Variants in NEBL observed in about 807,000 individuals in gnomAD.
NEBL encodes the protein nebulette, also known as LIM and SH3 protein 2.
In NEBL, 122 loss-of-function variants were observed where a neutral mutation model predicts 140.2. That is an observed-to-expected ratio of 0.87 (90% CI 0.75 to 1.01). The LOEUF is 1.01. NEBL is among the 50% of genes least tolerant of loss of function. The probability of loss-of-function intolerance (pLI) is 0.00; values close to 1 mark genes in which losing one functional copy is unlikely to be tolerated. For missense variants in NEBL, 1,365 were observed against 1,231.3 expected, an observed-to-expected ratio of 1.11 and a Z score of -1.62; for synonymous variants, 436 against 398.9, an observed-to-expected ratio of 1.09 and a Z score of -1.11.
At chr10:21,061,214 G>C (rs1778421146) in intron 2 of NEBL, among the ~76,000 whole-genome samples, 2 of 134,838 alleles carry the variant, frequency 1.5e-5, no homozygotes, top group African/African-American at 5.6e-5. Flanking sequence ...ATATAATATA[G>C]AGAGATGTGG....
chr10:21,201,927 A>T (rs535179688), intron 3 of NEBL, among the ~76,000 whole-genome samples: 18 of 152,156 alleles, frequency 1.2e-4, no homozygotes, highest in Non-Finnish European at 2.5e-4. Flanking sequence ...TTTCATGTAG[A>T]TTTGAAAGAA....
At chr10:21,092,002 C>T (rs2131966378) in intron 2 of NEBL, among the ~76,000 whole-genome samples, 1 of 152,312 alleles carries the variant, frequency 6.6e-6, no homozygotes, top group South Asian at 2.1e-4. Context: ...TAATTTAACC[C>T]TATAACATAT....
chr10:21,180,138 GAAA>G (rs201765784), intron 3 of NEBL, among the ~76,000 whole-genome samples: 2 of 140,048 alleles, frequency 1.4e-5, no homozygotes, highest in African/African-American at 5.2e-5. Flanking sequence ...CTCGGTCTCA[GAAA>G]AAAAAAAAGA....
At chr10:21,192,554 A>G (rs1589323297) in intron 3 of NEBL, among the ~76,000 whole-genome samples, 1 of 151,040 alleles carries the variant, frequency 6.6e-6, no homozygotes, top group Non-Finnish European at 1.5e-5. Flanking sequence ...ATAAGAGGGT[A>G]CAATTTCTGG....
intron 2 of NEBL, among the ~76,000 whole-genome samples, chr10:21,127,610 A>C (rs7085509): frequency 6.6e-6 from 1 of 152,094 alleles, no homozygotes; most frequent in Non-Finnish European, 1.5e-5. Flanking sequence ...AGGCCTGTTG[A>C]TCTATGAGTT....
intron 4 of NEBL, among the ~76,000 whole-genome samples, chr10:20,885,445 A>C (rs896796483): frequency 3.3e-5 from 5 of 152,240 alleles, no homozygotes; most frequent in Non-Finnish European, 7.3e-5. Context: ...TTGTGAGTAC[A>C]TATGCACCTT....
At chr10:20,886,033 T>A (rs1325958613) in intron 4 of NEBL, among the ~76,000 whole-genome samples, 3 of 152,158 alleles carry the variant, frequency 2.0e-5, no homozygotes, top group African/African-American at 7.2e-5. Context: ...AAGAGTAATG[T>A]ATTTTCAGAC....
intron 3 of NEBL, among the ~76,000 whole-genome samples, chr10:21,201,717 A>G (rs1052249169): frequency 1.3e-5 from 2 of 152,214 alleles, no homozygotes; most frequent in Non-Finnish European, 2.9e-5. Flanking sequence ...ATATTCTTTG[A>G]TAGCATCATT....
At chr10:20,955,258 G>A (rs1379804191) in intron 4 of NEBL, among the ~76,000 whole-genome samples, 7 of 152,162 alleles carry the variant, frequency 4.6e-5, no homozygotes, top group Non-Finnish European at 7.4e-5. Flanking sequence ...AAGTTAAGGA[G>A]GTCAGACATA....
Position 20,859,839 on chromosome 10 carries a change from A to G in NEBL, c.685-13T>C. 2 of 1,217,082 alleles carry G rather than the reference A, an allele frequency of 1.6e-6. No individual in the cohort carries two copies. The highest frequency in any genetic ancestry group is 2.4e-6 in the Non-Finnish European group (2 of 825,064). 75.4% of individuals were successfully genotyped at this position (1,217,082 alleles called of 1,614,324 possible). On this transcript the variant is annotated splice_polypyrimidine_tract_variant and intron_variant, in intron 7 of 27. Coordinates refer to ENST00000377122, the MANE Select transcript of NEBL (RefSeq NM_006393.3). Reference sequence around the variant, plus strand: ...CTTTGTATTTAATCTGTCATAAAAGAGAAATAGTACATGTAACTTTACATT... The same window carrying G: ...CTTTGTATTTAATCTGTCATAAAAGGGAAATAGTACATGTAACTTTACATT...
chr10:20,827,914 G>T (rs890948194), intron 17 of NEBL, among the ~76,000 whole-genome samples: 2 of 152,072 alleles, frequency 1.3e-5, no homozygotes, highest in Non-Finnish European at 2.9e-5. Flanking sequence ...ACACACAGGG[G>T]CCTATCAGAG....
At chr10:21,070,410 T>C (rs1228883901) in intron 2 of NEBL, among the ~76,000 whole-genome samples, 3 of 152,184 alleles carry the variant, frequency 2.0e-5, no homozygotes, top group South Asian at 2.1e-4. Flanking sequence ...CCAAAATATA[T>C]ACTACCTCAA....
At chr10:21,073,863 A>G (rs945638343) in intron 2 of NEBL, among the ~76,000 whole-genome samples, 2 of 152,114 alleles carry the variant, frequency 1.3e-5, no homozygotes, top group African/African-American at 4.8e-5. Context: ...TCACGAGGTC[A>G]GGAGATCAAG....
intron 11 of NEBL, among the ~76,000 whole-genome samples, chr10:20,847,406 G>C (rs986154940): frequency 6.6e-6 from 1 of 152,172 alleles, no homozygotes; most frequent in Admixed American, 6.5e-5. Context: ...GAAGAAAAGA[G>C]AGACTATCTA....
intron 1 of NEBL, among the ~76,000 whole-genome samples, chr10:21,280,771 C>T (rs1022330421): frequency 2.0e-5 from 3 of 152,010 alleles, no homozygotes; most frequent in African/African-American, 4.8e-5. Flanking sequence ...CACACCATCG[C>T]GCATGGCTAA....
intron 2 of NEBL, among the ~76,000 whole-genome samples, chr10:21,084,940 T>G (rs1836555519): frequency 6.6e-6 from 1 of 152,148 alleles, no homozygotes; most frequent in African/African-American, 2.4e-5. Context: ...CTGTTGCACA[T>G]GAATGCTTTT....
intron 2 of NEBL, among the ~76,000 whole-genome samples, chr10:21,026,240 G>A (rs1839024160): frequency 2.6e-5 from 4 of 152,150 alleles, no homozygotes; most frequent in Admixed American, 2.6e-4. Flanking sequence ...ATTTCTGGTT[G>A]TCTCATTTGG....
intron 1 of NEBL, among the ~76,000 whole-genome samples, chr10:21,284,619 G>A (rs1024432585): frequency 2.6e-5 from 4 of 152,128 alleles, no homozygotes; most frequent in East Asian, 1.9e-4. Context: ...TAAAGGAAGA[G>A]CACAAGGAGT....
intron 2 of NEBL, among the ~76,000 whole-genome samples, chr10:21,151,206 C>T (rs549925806): frequency 2.6e-5 from 4 of 152,280 alleles, no homozygotes; most frequent in African/African-American, 9.6e-5. Context: ...TATGTCTTTG[C>T]ACATATAGCA....
Sources: allele counts gnomAD v4.1 joint callset (sites outside exome capture counted in the v4.1 genomes callset), GRCh38; gene constraint gnomAD v4.1.1; transcripts MANE v1.5; gene names NCBI Gene and HGNC (gene_info 2026-07-23, HGNC 2026-07-21).